SORCS3: variants seen among roughly 807,000 people sequenced by gnomAD.
The protein encoded by SORCS3 is sortilin related VPS10 domain containing receptor 3.
A neutral mutation model predicts 146.3 loss-of-function variants in SORCS3; 57 were observed. The ratio of observed to expected loss-of-function variants is 0.39; its 90% CI spans 0.31 to 0.49. SORCS3 has a LOEUF of 0.49. SORCS3 is among the 20% of genes least tolerant of loss of function. The pLI, the probability that SORCS3 is intolerant of heterozygous loss-of-function variation, is 0.92. For synonymous variants in SORCS3, 653 were observed against 618.5 expected, an observed-to-expected ratio of 1.06 and a Z score of -0.83; for missense variants, 1,341 against 1,575.5, an observed-to-expected ratio of 0.85 and a Z score of 2.52.
intron 2 of SORCS3, among the ~76,000 whole-genome samples, chr10:104,866,489 G>C (rs771420403): frequency 1.3e-4 from 20 of 152,126 alleles, no homozygotes; most frequent in African/African-American, 3.4e-4. Context: ...TCCTTAGGCT[G>C]TGTGAAAGAG....
intron 1 of SORCS3, among the ~76,000 whole-genome samples, chr10:104,671,469 G>A (rs2015853491): frequency 6.7e-6 from 1 of 150,100 alleles, no homozygotes; most frequent in Admixed American, 6.7e-5. Context: ...CAAGTATCTG[G>A]GACTACAGGT....
intron 4 of SORCS3, among the ~76,000 whole-genome samples, chr10:105,018,812 T>C (rs1181202743): frequency 6.8e-6 from 1 of 146,672 alleles, no homozygotes; most frequent in Non-Finnish European, 1.5e-5. Context: ...TCACTTTCTA[T>C]TACCTCTCTC....
chr10:104,832,384 G>A (rs889440212), intron 1 of SORCS3, among the ~76,000 whole-genome samples: 1 of 152,164 alleles, frequency 6.6e-6, no homozygotes, highest in Non-Finnish European at 1.5e-5. Context: ...AGCATGAGAA[G>A]CTCAACACAG....
intron 2 of SORCS3, among the ~76,000 whole-genome samples, chr10:104,910,021 T>G (rs1046428971): frequency 1.3e-5 from 2 of 152,168 alleles, no homozygotes; most frequent in African/African-American, 4.8e-5. Context: ...ACTAAGTCCT[T>G]CGGAATGCCT....
At chr10:105,198,719 A>G (rs752635740) in intron 14 of SORCS3, among the ~76,000 whole-genome samples, 1 of 151,952 alleles carries the variant, frequency 6.6e-6, no homozygotes, top group Non-Finnish European at 1.5e-5. Flanking sequence ...CTCCTACCCC[A>G]TGCTGAGCTT....
At chr10:104,681,387 C>T (rs2015973219) in intron 1 of SORCS3, among the ~76,000 whole-genome samples, 1 of 152,160 alleles carries the variant, frequency 6.6e-6, no homozygotes, top group Non-Finnish European at 1.5e-5. Flanking sequence ...GGCCCCAGCC[C>T]TCCCACGGAA....
At chr10:105,066,228 C>A (rs1210076702) in intron 5 of SORCS3, among the ~76,000 whole-genome samples, 1 of 152,164 alleles carries the variant, frequency 6.6e-6, no homozygotes, top group Non-Finnish European at 1.5e-5. Flanking sequence ...GCACGCCTTC[C>A]CCTGTCCCAT....
intron 23 of SORCS3, 30 bp from the exon 24 acceptor site, chr10:105,255,672 C>A: frequency 6.8e-7 from 1 of 1,474,580 alleles, no homozygotes; most frequent in Non-Finnish European, 9.5e-7. Flanking sequence ...CATGTCATGT[C>A]ACCCCATGCA....
chr10:104,735,456 G>GTTTTTTGTTTT (rs556829469), intron 1 of SORCS3, among the ~76,000 whole-genome samples: 2 of 34,996 alleles, frequency 5.7e-5, no homozygotes, highest in Non-Finnish European at 9.7e-5. Context: ...CTCACCGTCT[G>GTTTTTTGTTTT]TTTTTTTTTT....
At chr10:104,651,554 A>AG (rs397804008) in intron 1 of SORCS3, among the ~76,000 whole-genome samples, 1 of 146,572 alleles carries the variant, frequency 6.8e-6, no homozygotes, top group Non-Finnish European at 1.5e-5. Flanking sequence ...AAAAAAAAAA[A>AG]CACAAAAATT....
intron 16 of SORCS3, among the ~76,000 whole-genome samples, chr10:105,209,230 C>T (rs1244095038): frequency 6.6e-6 from 1 of 152,050 alleles, no homozygotes; most frequent in African/African-American, 2.4e-5. Flanking sequence ...TAACTTCCAC[C>T]TCCTGGGTTC....
intron 16 of SORCS3, among the ~76,000 whole-genome samples, chr10:105,207,272 T>TTTATTATTATTATTA (rs6144063): frequency 0.042 from 6,229 of 147,142 alleles, 171 homozygotes; most frequent in Middle Eastern, 0.089. Flanking sequence ...CATGCAGAGG[T>TTTATTATTATTATTA]TTATTATTAT....
chr10:105,227,271 A>T (rs1242726382), intron 20 of SORCS3, among the ~76,000 whole-genome samples: 1 of 151,992 alleles, frequency 6.6e-6, no homozygotes, highest in Non-Finnish European at 1.5e-5. Flanking sequence ...TTGTTTCAAA[A>T]TTTTTAAAAT....
intron 1 of SORCS3, among the ~76,000 whole-genome samples, chr10:104,661,952 G>C (rs572635197): frequency 2.6e-5 from 4 of 152,332 alleles, no homozygotes; most frequent in African/African-American, 9.6e-5. Context: ...GGTTTGCTGT[G>C]TGCCGGGTGC....
At chr10:105,082,085 C>T (rs1044421714) in intron 5 of SORCS3, among the ~76,000 whole-genome samples, 1 of 152,188 alleles carries the variant, frequency 6.6e-6, no homozygotes, top group African/African-American at 2.4e-5. Context: ...ATACACTATC[C>T]AGTGAAAGCC....
At chr10:104,775,181 G>A (rs902301) in intron 1 of SORCS3, among the ~76,000 whole-genome samples, 38,005 of 152,084 alleles carry the variant, frequency 0.25, 5,399 homozygotes, top group East Asian at 0.65. Context: ...GAGATTTGCT[G>A]TTAGTTAGCT....
intron 16 of SORCS3, among the ~76,000 whole-genome samples, chr10:105,204,321 ATC>A (rs1252620693): frequency 6.6e-6 from 1 of 152,184 alleles, no homozygotes; most frequent in Non-Finnish European, 1.5e-5. Context: ...TTCTCAAGAA[ATC>A]AAACAAGTCT....
chr10:104,684,779 G>GTTT (rs764055039), intron 1 of SORCS3, among the ~76,000 whole-genome samples: 1 of 81,572 alleles, frequency 1.2e-5, no homozygotes, highest in Non-Finnish European at 2.3e-5. Context: ...AGTCCTCAGT[G>GTTT]TTTTTTTTTT....
intron 1 of SORCS3, among the ~76,000 whole-genome samples, chr10:104,781,666 A>G (rs1468283225): frequency 3.3e-5 from 5 of 152,258 alleles, no homozygotes; most frequent in South Asian, 4.1e-4. Flanking sequence ...AAAGTATATT[A>G]AGTATATTTA....
Sources: gnomAD v4.1 joint callset for allele counts (sites outside exome capture counted in the v4.1 genomes callset) on GRCh38, gnomAD v4.1.1 for gene constraint, MANE v1.5 for transcripts, NCBI Gene and HGNC (gene_info 2026-07-23, HGNC 2026-07-21) for gene names.